GPC6: variants seen among roughly 807,000 people sequenced by gnomAD.
The protein encoded by GPC6 is glypican 6, also known as glypican-6.
In GPC6, 14 loss-of-function variants were observed where a neutral mutation model predicts 55.2. The observed-to-expected ratio is 0.25, with a 90% CI of 0.17 to 0.40. The LOEUF is 0.40. GPC6 is among the 10% of genes least tolerant of loss of function. GPC6 has a pLI of 1.00. For missense variants in GPC6, 641 were observed against 708.5 expected, an observed-to-expected ratio of 0.90 and a Z score of 1.08; for synonymous variants, 278 against 259.6, an observed-to-expected ratio of 1.07 and a Z score of -0.68.
At chr13:94,027,610 A>T in intron 3 of GPC6, 119 bp from the exon 4 acceptor site, 2 of 868,700 alleles carry the variant, frequency 2.3e-6, no homozygotes, top group Non-Finnish European at 1.9e-6. Context: ...TGGATTCAAG[A>T]TCAGTAATTA....
intron 1 of GPC6, among the ~76,000 whole-genome samples, chr13:93,483,571 A>G (rs1302290508): frequency 5.3e-5 from 8 of 152,134 alleles, no homozygotes; most frequent in Admixed American, 3.3e-4. Context: ...GCTTTATGCT[A>G]TCCTGCAATA....
At chr13:93,890,808 T>C (rs534146610) in intron 3 of GPC6, among the ~76,000 whole-genome samples, 1 of 151,720 alleles carries the variant, frequency 6.6e-6, no homozygotes, top group Non-Finnish European at 1.5e-5. Context: ...CCATGCCTTC[T>C]AGATTTTTTT....
At chr13:93,277,094 T>C (rs1158142439) in intron 1 of GPC6, among the ~76,000 whole-genome samples, 9 of 152,186 alleles carry the variant, frequency 5.9e-5, no homozygotes, top group African/African-American at 2.2e-4. Flanking sequence ...GTCTCCCTGT[T>C]ACATTTCCTA....
intron 3 of GPC6, among the ~76,000 whole-genome samples, chr13:93,879,442 T>G (rs975765629): frequency 1.3e-5 from 2 of 151,916 alleles, no homozygotes; most frequent in African/African-American, 4.8e-5. Context: ...TTGACAAACC[T>G]GAGAAAAACA....
At chr13:93,499,228 A>G (rs1014216753) in intron 1 of GPC6, among the ~76,000 whole-genome samples, 1 of 152,110 alleles carries the variant, frequency 6.6e-6, no homozygotes, top group African/African-American at 2.4e-5. Flanking sequence ...GGAATTATTA[A>G]GGATATGGAT....
At chr13:94,278,287 G>A (rs764192148) in intron 4 of GPC6, among the ~76,000 whole-genome samples, 1 of 152,174 alleles carries the variant, frequency 6.6e-6, no homozygotes, top group Admixed American at 6.5e-5. Flanking sequence ...CATTGATTTT[G>A]TGTCCTGAGA....
At chr13:93,464,355 T>C (rs946857211) in intron 1 of GPC6, among the ~76,000 whole-genome samples, 5 of 152,200 alleles carry the variant, frequency 3.3e-5, no homozygotes, top group Admixed American at 6.5e-5. Context: ...ATTGTAGCCA[T>C]GGTAGAACTT....
chr13:93,758,347 G>C (rs148686223), intron 2 of GPC6, among the ~76,000 whole-genome samples: 5 of 152,220 alleles, frequency 3.3e-5, no homozygotes, highest in African/African-American at 1.2e-4. Flanking sequence ...GAGGTATTGA[G>C]GGAGAAAGTC....
intron 3 of GPC6, among the ~76,000 whole-genome samples, chr13:94,015,560 T>C (rs777780693): frequency 3.3e-5 from 5 of 152,230 alleles, no homozygotes; most frequent in Non-Finnish European, 7.3e-5. Flanking sequence ...TTTCTTTTGG[T>C]GTCATACTAA....
intron 1 of GPC6, among the ~76,000 whole-genome samples, chr13:93,458,016 G>A (rs941087130): frequency 8.5e-5 from 13 of 152,256 alleles, no homozygotes; most frequent in Admixed American, 3.3e-4. Context: ...ATCTTTATGA[G>A]TAAAAGCTAC....
At chr13:93,927,424 TGGAAA>T (rs1877917272) in intron 3 of GPC6, among the ~76,000 whole-genome samples, 1 of 152,154 alleles carries the variant, frequency 6.6e-6, no homozygotes, top group South Asian at 2.1e-4. Context: ...GTCTTTTACT[TGGAAA>T]GGAGAGTAGT....
rs1594311937 is a variant in GPC6, at chr13:93,613,506, GCAAA to G, written c.319+68088_319+68091del. On this transcript the variant is annotated intron_variant, in intron 2 of 8. Coordinates refer to ENST00000377047, the MANE Select transcript of GPC6 (RefSeq NM_005708.5). ...TTCAATCATTCTCTGTGACAGACAA[GCAAA>G]CACACACACACACACACAAAACACA... Among the ~76,000 whole-genome samples the G allele has an allele frequency of 4.9e-5, 7 of 143,480 alleles. No individual in the cohort carries two copies. In the South Asian group the frequency reaches 1.6e-3, roughly 32 times the overall value. The allele number at this position is 143,480 out of a possible 152,430, so 94.1% of individuals were successfully genotyped here.
intron 2 of GPC6, among the ~76,000 whole-genome samples, chr13:93,805,554 G>C (rs61962144): frequency 6.6e-6 from 1 of 152,092 alleles, no homozygotes; most frequent in Non-Finnish European, 1.5e-5. Context: ...TTAATAAGAG[G>C]TTACTACTTG....
At position 94,305,869 on chromosome 13, in the gene GPC6, G is replaced by A. The variant is rs1225164057; in HGVS notation, c.1009-111G>A. 3 of 985,176 alleles carry A rather than the reference G, an allele frequency of 3.0e-6. No homozygotes were observed. In the African/African-American group the frequency reaches 4.8e-5, roughly 16 times the overall value. The allele number at this position is 985,176 out of a possible 1,614,324, so 61.0% of individuals were successfully genotyped here. On this transcript the variant is annotated intron_variant, in intron 5 of 8. Transcript: ENST00000377047. Reference sequence around the variant, plus strand: ...CATTTCAAAATTAGAGTTTATTGGAGGTAAAAGTTTCATAAGAAATGTGGA... The same window carrying A: ...CATTTCAAAATTAGAGTTTATTGGAAGTAAAAGTTTCATAAGAAATGTGGA...
At chr13:94,275,378 G>A (rs1008122206) in intron 4 of GPC6, among the ~76,000 whole-genome samples, 3 of 152,174 alleles carry the variant, frequency 2.0e-5, no homozygotes, top group African/African-American at 7.2e-5. Flanking sequence ...AAGAAAATAA[G>A]AGAATGAGTT....
At chr13:93,622,339 T>C (rs1594318698) in intron 2 of GPC6, among the ~76,000 whole-genome samples, 1 of 152,226 alleles carries the variant, frequency 6.6e-6, no homozygotes, top group African/African-American at 2.4e-5. Context: ...GAACTCAAGC[T>C]TTAGGAAGCT....
chr13:93,241,744 T>C (rs1288621926), intron 1 of GPC6, among the ~76,000 whole-genome samples: 1 of 152,190 alleles, frequency 6.6e-6, no homozygotes, highest in Admixed American at 6.5e-5. Flanking sequence ...CTTTTCATAT[T>C]GCCAGAATTA....
Position 94,095,448 on chromosome 13 carries a change from T to C in GPC6, c.877+67554T>C, listed in dbSNP as rs117430117. On this transcript the variant is annotated intron_variant, in intron 4 of 8. Transcript: ENST00000377047. ...AAATTAATTGTAATAATATGTTTTA[T>C]TCAACTCAACGTATCCAAAATATTA... Among the ~76,000 whole-genome samples the C allele has an allele frequency of 5.8e-3, 878 of 152,344 alleles. 22 individuals carry two copies. The East Asian group carries it at 0.096, about 17-fold the overall frequency.
chr13:94,394,799 G>A (rs954451662), intron 7 of GPC6, among the ~76,000 whole-genome samples: 2 of 152,196 alleles, frequency 1.3e-5, no homozygotes, highest in African/African-American at 4.8e-5. Context: ...CGGATGCGCT[G>A]TTACTTGTTT....
Sources: gnomAD v4.1 joint callset for allele counts (sites outside exome capture counted in the v4.1 genomes callset) on GRCh38, gnomAD v4.1.1 for gene constraint, MANE v1.5 for transcripts, NCBI Gene and HGNC (gene_info 2026-07-23, HGNC 2026-07-21) for gene names.